The following CNTNAP2 variants were observed in gnomAD, a reference collection of about 807,000 sequenced individuals.
CNTNAP2 encodes contactin associated protein 2.
CNTNAP2 carries 98 observed loss-of-function variants against 155.2 expected under a neutral mutation model. That is an observed-to-expected ratio of 0.63 (90% confidence interval 0.54 to 0.75). The LOEUF is 0.75. Among genes scored for constraint, CNTNAP2 ranks in the 30% least tolerant of loss-of-function variants. The pLI, the probability that CNTNAP2 is intolerant of heterozygous loss-of-function variation, is 0.00. For synonymous variants in CNTNAP2, 651 were observed against 631.2 expected (o/e 1.03, Z -0.47); for missense variants, 1,727 against 1,688.1 (o/e 1.02, Z -0.40).
At chr7:146,343,174 C>G (rs1428053445) in intron 1 of CNTNAP2, among the ~76,000 whole-genome samples, 1 of 151,638 alleles carries the variant, frequency 6.6e-6, no homozygotes, top group Non-Finnish European at 1.5e-5. Context: ...CTGCTTATTG[C>G]TGAAAGATGA....
rs553689918 is a variant in CNTNAP2, at chr7:147,494,500, TG to T, written c.1777+8460del. ...AAAAAAAAAAAAGTTGATCTGCAAA[TG>T]CATATTGAAAAGCAGTGTGCTGTAA... On this transcript the variant is annotated intron_variant, in intron 11 of 23. Coordinates refer to ENST00000361727, the MANE Select transcript of CNTNAP2 (RefSeq NM_014141.6). Among the ~76,000 whole-genome samples, 194 of 147,608 alleles carry T rather than the reference TG, an allele frequency of 1.3e-3. 5 individuals carry two copies. The Middle Eastern group carries it at 0.032, about 25-fold the overall frequency.
chr7:146,807,225 C>T (rs1331144184), intron 2 of CNTNAP2, among the ~76,000 whole-genome samples: 1 of 152,096 alleles, frequency 6.6e-6, no homozygotes, highest in Non-Finnish European at 1.5e-5. Flanking sequence ...AATTTTTGTA[C>T]ATCAAATTAG....
chr7:146,647,146 C>A (rs1799826411), intron 1 of CNTNAP2, among the ~76,000 whole-genome samples: 1 of 152,136 alleles, frequency 6.6e-6, no homozygotes, highest in African/African-American at 2.4e-5. Context: ...ATCCCAGGAG[C>A]TGTTTCTACC....
At chr7:146,951,263 T>C (rs938946054) in intron 3 of CNTNAP2, among the ~76,000 whole-genome samples, 4 of 152,204 alleles carry the variant, frequency 2.6e-5, no homozygotes, top group Non-Finnish European at 5.9e-5. Context: ...ACTCTGATGA[T>C]AGTTTATTTT....
intron 8 of CNTNAP2, among the ~76,000 whole-genome samples, chr7:147,260,232 A>G (rs954276099): frequency 1.3e-5 from 2 of 152,204 alleles, no homozygotes; most frequent in Non-Finnish European, 2.9e-5. Flanking sequence ...ATCTGAGAAA[A>G]TAATACCTAA....
At chr7:146,496,904 T>G (rs1797223922) in intron 1 of CNTNAP2, among the ~76,000 whole-genome samples, 1 of 152,210 alleles carries the variant, frequency 6.6e-6, no homozygotes. Context: ...TGTTCTCAGT[T>G]CTTGAGTTAT....
At chr7:146,458,925 A>G (rs141597235) in intron 1 of CNTNAP2, among the ~76,000 whole-genome samples, 3 of 152,256 alleles carry the variant, frequency 2.0e-5, no homozygotes, top group African/African-American at 7.2e-5. Context: ...TTCTCTCTAT[A>G]TATACACATC....
chr7:146,168,082 C>G (rs751277487), intron 1 of CNTNAP2, among the ~76,000 whole-genome samples: 27 of 152,098 alleles, frequency 1.8e-4, no homozygotes, highest in Admixed American at 5.9e-4. Context: ...CTTCTTCTGT[C>G]TGCTTTATTT....
intron 1 of CNTNAP2, among the ~76,000 whole-genome samples, chr7:146,399,506 CTTCTTT>C (rs1451887347): frequency 6.6e-6 from 1 of 152,142 alleles, no homozygotes; most frequent in Non-Finnish European, 1.5e-5. Flanking sequence ...ACATAATTTA[CTTCTTT>C]TTAAGTCTGA....
intron 14 of CNTNAP2, among the ~76,000 whole-genome samples, chr7:147,965,936 A>C (rs1423198078): frequency 6.6e-6 from 1 of 152,162 alleles, no homozygotes; most frequent in African/African-American, 2.4e-5. Flanking sequence ...TGATAACATA[A>C]AAACAAATAT....
At chr7:146,692,306 A>G (rs1005064994) in intron 1 of CNTNAP2, among the ~76,000 whole-genome samples, 5 of 152,086 alleles carry the variant, frequency 3.3e-5, no homozygotes, top group Non-Finnish European at 7.4e-5. Flanking sequence ...TTGAATTGAC[A>G]TTTTCCCTAC....
chr7:146,327,621 A>G (rs149460665), intron 1 of CNTNAP2, among the ~76,000 whole-genome samples: 4,672 of 152,312 alleles, frequency 0.031, 104 homozygotes, highest in African/African-American at 0.067. Context: ...TAAATGCCCA[A>G]TGCATTTTGA....
At chr7:146,526,880 G>A (rs367898017) in intron 1 of CNTNAP2, among the ~76,000 whole-genome samples, 1 of 151,906 alleles carries the variant, frequency 6.6e-6, no homozygotes, top group Non-Finnish European at 1.5e-5. Flanking sequence ...GTCAGTTTAC[G>A]TTGTGACCAT....
intron 14 of CNTNAP2, among the ~76,000 whole-genome samples, chr7:147,954,694 T>G (rs1800990694): frequency 6.6e-6 from 1 of 152,236 alleles, no homozygotes. Context: ...TTTATTTTAA[T>G]TAACTCTCTT....
chr7:147,030,559 A>G (rs931117175), intron 3 of CNTNAP2, among the ~76,000 whole-genome samples: 6 of 152,324 alleles, frequency 3.9e-5, no homozygotes, highest in African/African-American at 1.2e-4. Context: ...ATTTAACGGT[A>G]AAGTTCTTTT....
At chr7:146,363,454 GAA>G (rs991302104) in intron 1 of CNTNAP2, among the ~76,000 whole-genome samples, 3 of 152,176 alleles carry the variant, frequency 2.0e-5, no homozygotes, top group African/African-American at 7.2e-5. Context: ...ATCATTGTTA[GAA>G]CACCCAGGAC....
intron 14 of CNTNAP2, among the ~76,000 whole-genome samples, chr7:147,915,936 G>T (rs1280017394): frequency 6.6e-6 from 1 of 152,152 alleles, no homozygotes; most frequent in South Asian, 2.1e-4. Flanking sequence ...CTATGCTGAA[G>T]TTGCCTCTTA....
chr7:146,183,342 G>A (rs1798576112), intron 1 of CNTNAP2, among the ~76,000 whole-genome samples: 1 of 151,988 alleles, frequency 6.6e-6, no homozygotes, highest in Non-Finnish European at 1.5e-5. Flanking sequence ...CCCTTCATTG[G>A]TCCCAAACTC....
intron 1 of CNTNAP2, among the ~76,000 whole-genome samples, chr7:146,419,277 T>C (rs1346268194): frequency 6.6e-6 from 1 of 151,962 alleles, no homozygotes; most frequent in Non-Finnish European, 1.5e-5. Context: ...ATGAGAACAG[T>C]ATGGGGGAAA....
Sources: gnomAD v4.1 joint callset for allele counts (sites outside exome capture counted in the v4.1 genomes callset) on GRCh38, gnomAD v4.1.1 for gene constraint, MANE v1.5 for transcripts, NCBI Gene and HGNC (gene_info 2026-07-23, HGNC 2026-07-21) for gene names.